Variants in XRCC6 observed in about 807,000 individuals in gnomAD.
XRCC6 encodes the protein X-ray repair cross complementing 6.
A neutral mutation model predicts 65.7 loss-of-function variants in XRCC6; 5 were observed. That is an observed-to-expected ratio of 0.08 (90% CI 0.04 to 0.16). The LOEUF is 0.16. Ranked by LOEUF, XRCC6 falls within the 10% of genes least tolerant of loss-of-function variation. The probability of loss-of-function intolerance (pLI) is 1.00; values close to 1 mark genes in which losing one functional copy is unlikely to be tolerated. For synonymous variants in XRCC6, 270 were observed against 270.6 expected (o/e 1.00, Z 0.02); for missense variants, 447 against 738.1 (o/e 0.61, Z 4.57).
At chr22:41,636,477 C>G (rs200137939) in intron 4 of XRCC6, 39 bp from the exon 5 acceptor site, 1 of 1,605,402 alleles carries the variant, frequency 6.2e-7, no homozygotes, top group Non-Finnish European at 8.5e-7. Context: ...TGACATTCTT[C>G]TGATTTTTCT....
chr22:41,644,190 G>A (rs1432110495), intron 6 of XRCC6, among the ~76,000 whole-genome samples: 1 of 152,010 alleles, frequency 6.6e-6, no homozygotes, highest in African/African-American at 2.4e-5. Context: ...TTCTTCTTGG[G>A]TTTTTTATAA....
intron 11 of XRCC6, among the ~76,000 whole-genome samples, chr22:41,659,859 AT>A (rs1268065875): frequency 2.7e-5 from 4 of 149,708 alleles, no homozygotes; most frequent in Non-Finnish European, 5.9e-5. Context: ...TGATTTTTGT[AT>A]TTTTTGGTAG....
intron 7 of XRCC6, among the ~76,000 whole-genome samples, chr22:41,649,160 A>ATATATATATATATATATATG (rs1376197191): frequency 3.6e-4 from 45 of 125,806 alleles, no homozygotes; most frequent in South Asian, 4.9e-4. Context: ...ATATATATAT[A>ATATATATATATATATATATG]TATGTATGTA....
At chr22:41,640,980 C>T (rs1360734825) in intron 6 of XRCC6, among the ~76,000 whole-genome samples, 2 of 152,204 alleles carry the variant, frequency 1.3e-5, no homozygotes, top group African/African-American at 4.8e-5. Flanking sequence ...CAGTGGCTCA[C>T]GTCTGTAATC....
chr22:41,650,955 T>G, intron 8 of XRCC6, 64 bp downstream of exon 8: 1 of 1,580,298 alleles, frequency 6.3e-7, no homozygotes. Flanking sequence ...AGCAGCGCTT[T>G]GTAAATGGGC....
At chr22:41,657,991 T>G (rs2068061165) in intron 10 of XRCC6, among the ~76,000 whole-genome samples, 1 of 151,982 alleles carries the variant, frequency 6.6e-6, no homozygotes, top group South Asian at 2.1e-4. Context: ...GCCTGGCTGA[T>G]TTTTAAATTT....
chr22:41,630,958 G>A (rs1165720985), intron 3 of XRCC6, among the ~76,000 whole-genome samples: 4 of 151,796 alleles, frequency 2.6e-5, no homozygotes, highest in East Asian at 2.0e-4. Context: ...ATCATGGCCC[G>A]TTCTCAATGA....
intron 6 of XRCC6, among the ~76,000 whole-genome samples, chr22:41,640,888 T>A (rs557282517): frequency 1.3e-5 from 2 of 152,146 alleles, no homozygotes; most frequent in Non-Finnish European, 2.9e-5. Flanking sequence ...TGGATTCTAG[T>A]CCTGGTCCCT....
chr22:41,623,718 A>G (rs1268313466), intron 2 of XRCC6, among the ~76,000 whole-genome samples: 2 of 142,974 alleles, frequency 1.4e-5, no homozygotes, highest in African/African-American at 5.2e-5. Flanking sequence ...ACGATAGTGC[A>G]TATACATTTA....
chr22:41,657,484 T>A (rs920739744), intron 10 of XRCC6, among the ~76,000 whole-genome samples: 153 of 136,714 alleles, frequency 1.1e-3, no homozygotes, highest in African/African-American at 2.6e-3. Context: ...ATGTCATTTT[T>A]AAAAATTTAT....
intron 6 of XRCC6, among the ~76,000 whole-genome samples, chr22:41,642,257 T>G (rs896731842): frequency 7.2e-5 from 11 of 152,170 alleles, no homozygotes; most frequent in African/African-American, 2.7e-4. Context: ...AGTTTTCTTT[T>G]TAGTATTTTC....
chr22:41,653,494 T>C, intron 8 of XRCC6, 35 bp from the exon 9 acceptor site: 1 of 1,540,224 alleles, frequency 6.5e-7, no homozygotes, highest in Non-Finnish European at 8.8e-7. Context: ...GGAAACCTTT[T>C]TAGGAGGCTA....
At chr22:41,638,058 C>T (rs1415896281) in intron 6 of XRCC6, among the ~76,000 whole-genome samples, 2 of 151,458 alleles carry the variant, frequency 1.3e-5, no homozygotes. Flanking sequence ...GGCTACTTAA[C>T]TCGACTATGC....
At chr22:41,649,139 A>AAAAAAATATATATATATATATATATAT in intron 7 of XRCC6, among the ~76,000 whole-genome samples, 3 of 88,728 alleles carry the variant, frequency 3.4e-5, no homozygotes, top group African/African-American at 4.6e-5. Flanking sequence ...AAAAAAAAAA[A>AAAAAAATATATATATATATATATATAT]ATATATATAT....
intron 6 of XRCC6, among the ~76,000 whole-genome samples, chr22:41,639,726 G>A (rs1052317751): frequency 2.1e-5 from 3 of 144,614 alleles, no homozygotes; most frequent in Non-Finnish European, 4.5e-5. Flanking sequence ...GCAGTGGTGC[G>A]GTCTCAGGTC....
chr22:41,643,040 T>A (rs1272448519), intron 6 of XRCC6, among the ~76,000 whole-genome samples: 1 of 152,230 alleles, frequency 6.6e-6, no homozygotes, highest in Non-Finnish European at 1.5e-5. Flanking sequence ...TGTCTAAACA[T>A]GTTCTTTTCT....
chr22:41,659,076 C>T (rs1298774406), intron 11 of XRCC6, among the ~76,000 whole-genome samples: 6 of 152,132 alleles, frequency 3.9e-5, no homozygotes, highest in South Asian at 2.1e-4. Context: ...CTCAGACTCC[C>T]GAGCAGTTGG....
chr22:41,633,517 C>G (rs2067778681), intron 3 of XRCC6, among the ~76,000 whole-genome samples: 1 of 151,960 alleles, frequency 6.6e-6, no homozygotes, highest in South Asian at 2.1e-4. Context: ...GCTGGGACTA[C>G]AGGCACCCAC....
intron 7 of XRCC6, among the ~76,000 whole-genome samples, chr22:41,649,160 A>ATATATATATATATATATATATATG (rs1376197191): frequency 2.4e-5 from 3 of 125,858 alleles, no homozygotes; most frequent in Admixed American, 8.9e-5. Context: ...ATATATATAT[A>ATATATATATATATATATATATATG]TATGTATGTA....
Sources: allele counts gnomAD v4.1 joint callset (sites outside exome capture counted in the v4.1 genomes callset), GRCh38; gene constraint gnomAD v4.1.1; transcripts MANE v1.5; gene names NCBI Gene and HGNC (gene_info 2026-07-23, HGNC 2026-07-21).